The following PTPRT variants were observed in gnomAD, a reference collection of about 807,000 sequenced individuals.
PTPRT encodes the protein protein tyrosine phosphatase receptor type T, also known as receptor-type tyrosine-protein phosphatase T.
In PTPRT, 56 loss-of-function variants were observed where a neutral mutation model predicts 176.8. The ratio of observed to expected loss-of-function variants is 0.32; its 90% CI spans 0.26 to 0.40. The LOEUF is 0.40. Ranked by LOEUF, PTPRT falls within the 10% of genes least tolerant of loss-of-function variation. The probability of loss-of-function intolerance (pLI) is 1.00; values close to 1 mark genes in which losing one functional copy is unlikely to be tolerated. For synonymous variants in PTPRT, 783 were observed against 739.0 expected (o/e 1.06, Z -0.96); for missense variants, 1,540 against 1,908.2 (o/e 0.81, Z 3.60).
intron 1 of PTPRT, among the ~76,000 whole-genome samples, chr20:43,135,293 TAAG>T (rs1458721213): frequency 6.6e-6 from 1 of 152,190 alleles, no homozygotes; most frequent in African/African-American, 2.4e-5. Flanking sequence ...GAACACTTCT[TAAG>T]AAAAGTGTTT....
chr20:43,042,135 G>C (rs545407745), intron 1 of PTPRT, among the ~76,000 whole-genome samples: 2 of 152,306 alleles, frequency 1.3e-5, no homozygotes, highest in South Asian at 4.1e-4. Context: ...TAAAGGCCTG[G>C]TGCACAGCAG....
At chr20:42,283,120 A>G (rs2057168147) in intron 12 of PTPRT, among the ~76,000 whole-genome samples, 1 of 152,152 alleles carries the variant, frequency 6.6e-6, no homozygotes, top group African/African-American at 2.4e-5. Context: ...TAGGTGAACT[A>G]TCTAGTTGTT....
intron 1 of PTPRT, among the ~76,000 whole-genome samples, chr20:43,168,830 T>C (rs2014922511): frequency 6.6e-6 from 1 of 152,188 alleles, no homozygotes; most frequent in South Asian, 2.1e-4. Flanking sequence ...TAAGAAAACT[T>C]GACTTTAAGA....
rs763598762 is a variant in PTPRT, at chr20:42,248,752, G to A, written c.2247C>T (p.Gly749=). Residue 749 remains glycine (G), a synonymous_variant, in exon 14 of 31, where the codon GGC becomes GGT. Transcript: ENST00000373187. ...KQVDNTVKMA[G]VIAGLLMFII... is the part of the protein sequence containing the mutation. The stretch of plus-strand genomic sequence containing the variant: ...TGAACATGAGGAGGCCAGCGATCAC[G>A]CCAGCCATCTTCACGGTGTTGTCCA... The A allele has an allele frequency of 1.7e-5, 28 of 1,613,920 alleles. No homozygotes were observed. The highest frequency in any genetic ancestry group is 1.2e-4 in the South Asian group (11 of 91,058).
At chr20:42,666,099 A>G (rs1032768825) in intron 7 of PTPRT, among the ~76,000 whole-genome samples, 1 of 152,214 alleles carries the variant, frequency 6.6e-6, no homozygotes, top group South Asian at 2.1e-4. Flanking sequence ...TAATAAAAAA[A>G]TAAAAATAAA....
At chr20:42,278,799 C>T (rs2065901910) in intron 13 of PTPRT, among the ~76,000 whole-genome samples, 1 of 152,072 alleles carries the variant, frequency 6.6e-6, no homozygotes, top group South Asian at 2.1e-4. Context: ...TGGGAAGGGT[C>T]ATTTTCTCTC....
At chr20:43,028,133 T>C (rs1351545669) in intron 1 of PTPRT, among the ~76,000 whole-genome samples, 7 of 152,192 alleles carry the variant, frequency 4.6e-5, no homozygotes, top group African/African-American at 2.4e-5. Flanking sequence ...TTATCATACT[T>C]GTTCTTATAC....
intron 1 of PTPRT, among the ~76,000 whole-genome samples, chr20:42,909,590 G>A (rs1274367571): frequency 6.6e-6 from 1 of 152,214 alleles, no homozygotes; most frequent in African/African-American, 2.4e-5. Flanking sequence ...AGATACACAA[G>A]AGGGTGTGGC....
intron 2 of PTPRT, among the ~76,000 whole-genome samples, chr20:42,853,058 A>G (rs995173189): frequency 7.2e-5 from 11 of 152,214 alleles, no homozygotes; most frequent in Non-Finnish European, 1.5e-4. Context: ...GCTGCATTTC[A>G]GGATAAGAGC....
chr20:42,755,746 A>G (rs367934181), intron 6 of PTPRT, among the ~76,000 whole-genome samples: 81 of 152,340 alleles, frequency 5.3e-4, no homozygotes, highest in African/African-American at 1.9e-3. Context: ...ATTGTTACAT[A>G]CACAAAGGAA....
At chr20:42,117,962 C>T (rs1987377041) in intron 21 of PTPRT, among the ~76,000 whole-genome samples, 1 of 152,082 alleles carries the variant, frequency 6.6e-6, no homozygotes, top group Non-Finnish European at 1.5e-5. Flanking sequence ...CTATGCTTGC[C>T]TTTGGAAGGG....
intron 1 of PTPRT, among the ~76,000 whole-genome samples, chr20:42,934,633 T>A (rs1398835573): frequency 6.6e-6 from 1 of 152,166 alleles, no homozygotes; most frequent in Non-Finnish European, 1.5e-5. Flanking sequence ...AGATATTAGC[T>A]CTGAACTATT....
chr20:42,451,494 A>G (rs1251220899), intron 8 of PTPRT, among the ~76,000 whole-genome samples: 1 of 152,138 alleles, frequency 6.6e-6, no homozygotes, highest in African/African-American at 2.4e-5. Context: ...ATAGATGGCA[A>G]GAGTATAGAG....
intron 7 of PTPRT, among the ~76,000 whole-genome samples, chr20:42,622,736 G>C (rs945840195): frequency 4.6e-5 from 7 of 152,160 alleles, no homozygotes; most frequent in Non-Finnish European, 7.3e-5. Context: ...GCTTCAAAAT[G>C]CATGTTAGCC....
chr20:43,152,665 A>G (rs2014396617), intron 1 of PTPRT, among the ~76,000 whole-genome samples: 1 of 152,252 alleles, frequency 6.6e-6, no homozygotes, highest in African/African-American at 2.4e-5. Context: ...CTGTCAATGT[A>G]GAGGATGATA....
intron 9 of PTPRT, among the ~76,000 whole-genome samples, chr20:42,358,908 T>C (rs2058394171): frequency 6.6e-6 from 1 of 152,172 alleles, no homozygotes; most frequent in Non-Finnish European, 1.5e-5. Flanking sequence ...TGAGCTCAGA[T>C]TATGGAAGCC....
intron 8 of PTPRT, among the ~76,000 whole-genome samples, chr20:42,449,695 T>G (rs1212396922): frequency 1.3e-5 from 2 of 152,232 alleles, no homozygotes; most frequent in Admixed American, 6.5e-5. Flanking sequence ...TTTTAAAGCA[T>G]ATACTCTTAA....
chr20:43,053,147 G>A (rs538315174), intron 1 of PTPRT, among the ~76,000 whole-genome samples: 10 of 152,160 alleles, frequency 6.6e-5, no homozygotes, highest in South Asian at 2.1e-4. Flanking sequence ...CCCAAAACAC[G>A]TATGACTTAA....
intron 7 of PTPRT, among the ~76,000 whole-genome samples, chr20:42,624,460 A>AT (rs1434606058): frequency 2.0e-5 from 3 of 152,230 alleles, no homozygotes; most frequent in Admixed American, 2.0e-4. Flanking sequence ...CAATGCATTT[A>AT]TTGAGGTGCT....
Sources: allele counts gnomAD v4.1 joint callset (sites outside exome capture counted in the v4.1 genomes callset), GRCh38; gene constraint gnomAD v4.1.1; transcripts MANE v1.5; gene names NCBI Gene and HGNC (gene_info 2026-07-23, HGNC 2026-07-21).